Variants in ADAT2 observed in about 807,000 individuals in gnomAD.
ADAT2 encodes tRNA-specific adenosine-34 deaminase catalytic subunit ADAT2.
ADAT2 carries 26 observed loss-of-function variants against 25.9 expected under a neutral mutation model. That is an observed-to-expected ratio of 1.00 (90% CI 0.74 to 1.39). The LOEUF (loss-of-function observed/expected upper bound fraction) is 1.39, where lower values mean the gene tolerates loss of function less well. Among genes scored for constraint, ADAT2 ranks in the 40% most tolerant of loss-of-function variants. The pLI is 0.00. For synonymous variants in ADAT2, 76 were observed against 86.8 expected (o/e 0.88, Z 0.69); for missense variants, 220 against 244.8 (o/e 0.90, Z 0.68).
intron 4 of ADAT2, among the ~76,000 whole-genome samples, chr6:143,430,786 C>A (rs185052394): frequency 2.0e-5 from 3 of 151,992 alleles, no homozygotes. Context: ...AGGATGGTCT[C>A]GATCTCCTGA....
intron 2 of ADAT2, among the ~76,000 whole-genome samples, chr6:143,435,240 A>G (rs1048024873): frequency 6.6e-6 from 1 of 151,916 alleles, no homozygotes; most frequent in African/African-American, 2.4e-5. Context: ...AAATCTCCCT[A>G]CAGCTCTCAA....
chr6:143,428,336 A>T lies in ADAT2; in HGVS notation c.*127T>A. On this transcript the variant is annotated 3_prime_UTR_variant, in exon 6 of 6. Coordinates refer to ENST00000237283, the MANE Select transcript of ADAT2 (RefSeq NM_182503.3). The surrounding 1 kb of genome is among the most constrained non-coding windows in gnomAD (Gnocchi z 5.0). ...TGTTCCCTTAACAGAGCAAATGATG[A>T]GAGACACCATTTTCCTGCAGATTAA... 1 of 1,034,220 alleles carries T rather than the reference A, an allele frequency of 9.7e-7. No individual in the cohort carries two copies. Among genetic ancestry groups the T allele is most frequent in the Non-Finnish European group, 1.4e-6 (1 of 709,612 alleles). 64.1% of individuals were successfully genotyped at this position (1,034,220 alleles called of 1,614,324 possible).
intron 1 of ADAT2, among the ~76,000 whole-genome samples, chr6:143,443,207 G>A (rs182128017): frequency 9.3e-4 from 142 of 152,144 alleles, no homozygotes; most frequent in South Asian, 1.7e-3. Context: ...GCTGGGACTA[G>A]GGCATAGACA....
At chr6:143,431,677 T>G (rs9321910) in intron 4 of ADAT2, among the ~76,000 whole-genome samples, 42,894 of 152,098 alleles carry the variant, frequency 0.28, 6,304 homozygotes, top group Admixed American at 0.32. Context: ...TCAGCCAAAT[T>G]TAGTCCTTCA....
Position 143,437,358 on chromosome 6 carries a change from T to C in ADAT2, c.201+1232A>G, listed in dbSNP as rs1299110756. 6.6e-6 allele frequency among the ~76,000 whole-genome samples: 1 copy of C among 152,206 alleles called. No individual in the cohort carries two copies. Among genetic ancestry groups the C allele is most frequent in the African/African-American group, 2.4e-5 (1 of 41,468 alleles). ...ACAAAGAAATTGCTTTTTTCTTCTG[T>C]TAAAGTTAAGTTAGATCATCTTCAT... On this transcript the variant is annotated intron_variant, in intron 2 of 5. Coordinates refer to ENST00000237283, the MANE Select transcript of ADAT2 (RefSeq NM_182503.3). This position sits in a 1 kb window ranked among gnomAD's most constrained non-coding sequence, Gnocchi z 4.1.
At chr6:143,443,768 T>C (rs1026312978) in intron 1 of ADAT2, among the ~76,000 whole-genome samples, 2 of 150,346 alleles carry the variant, frequency 1.3e-5, no homozygotes, top group African/African-American at 4.9e-5. Flanking sequence ...GAGGCGGAGG[T>C]TGCAGTGAGC....
chr6:143,447,520 T>C (rs9484752), intron 1 of ADAT2, among the ~76,000 whole-genome samples: 36,252 of 152,122 alleles, frequency 0.24, 4,808 homozygotes, highest in Middle Eastern at 0.3. Flanking sequence ...CAGAGAGATA[T>C]GGAAGGATGC....
intron 1 of ADAT2, among the ~76,000 whole-genome samples, chr6:143,448,968 T>C (rs1282338365): frequency 6.6e-6 from 1 of 152,258 alleles, no homozygotes; most frequent in Non-Finnish European, 1.5e-5. Flanking sequence ...AGATTTTATA[T>C]AAATTATATG....
rs369961060 is a variant in ADAT2 at position 143,425,500 on chromosome 6, C to CAAAAAAA, written c.*2956_*2962dup. 1 of 118,768 alleles carries CAAAAAAA rather than the reference C, an allele frequency of 8.4e-6. No individual in the cohort carries two copies. 7.4% of individuals were successfully genotyped at this position (118,768 alleles called of 1,614,324 possible). On this transcript the variant is annotated 3_prime_UTR_variant, in exon 6 of 6. Coordinates refer to ENST00000237283, the MANE Select transcript of ADAT2 (RefSeq NM_182503.3). ...CTGGACGACAGAGTGAGACCTATCT[C>CAAAAAAA]AAAAAAAAAAAAAAAAAAGAAAAAG...
chr6:143,430,231 C>T lies in ADAT2; in HGVS notation c.460-1547G>A, dbSNP rs568755028. Among the ~76,000 whole-genome samples the T allele has an allele frequency of 3.9e-5, 6 of 152,368 alleles. No homozygotes were observed. The South Asian group carries it at 1.2e-3, about 32-fold the overall frequency. ...GGAGCTCCCCAGAGGTCCCCCTCCA[C>T]TCCACTCGCACACTCAGAGCCCTCT... On this transcript the variant is annotated intron_variant, in intron 4 of 5. Transcript: ENST00000237283.
At chr6:143,447,908 A>C (rs991235043) in intron 1 of ADAT2, among the ~76,000 whole-genome samples, 1 of 152,234 alleles carries the variant, frequency 6.6e-6, no homozygotes, top group South Asian at 2.1e-4. Context: ...ATATACCCAA[A>C]GGATTATAAA....
rs1038173640 is a variant in ADAT2 at position 143,427,248 on chromosome 6, A to C, written c.*1215T>G. On this transcript the variant is annotated 3_prime_UTR_variant, in exon 6 of 6. Coordinates refer to ENST00000237283, the MANE Select transcript of ADAT2 (RefSeq NM_182503.3). ...ATTCCAGCCTGTAATGTAATTCAAA[A>C]CAAACAAGTCAGAGACATCGCTCAA... 1 of 152,690 alleles carries C rather than the reference A, an allele frequency of 6.5e-6. No individual in the cohort carries two copies. Among genetic ancestry groups the C allele is most frequent in the Non-Finnish European group, 1.5e-5 (1 of 68,056 alleles). The allele number at this position is 152,690 out of a possible 1,614,324, so 9.5% of individuals were successfully genotyped here. A position where few individuals can be genotyped will look rare whatever the true frequency, so the allele number is the denominator to read the frequency against.
At chr6:143,431,713 C>T (rs1309044309) in intron 4 of ADAT2, among the ~76,000 whole-genome samples, 3 of 152,176 alleles carry the variant, frequency 2.0e-5, no homozygotes, top group Non-Finnish European at 4.4e-5. Flanking sequence ...TTCTAGGAAC[C>T]CCTGAGGTTT....
At position 143,432,719 on chromosome 6, in the gene ADAT2, T is replaced by C; in HGVS notation, c.353-108A>G. 1 of 994,068 alleles carries C rather than the reference T, an allele frequency of 1.0e-6. No homozygotes were observed. Among genetic ancestry groups the C allele is most frequent in the Non-Finnish European group, 1.6e-6 (1 of 637,968 alleles). 61.6% of individuals were successfully genotyped at this position (994,068 alleles called of 1,614,324 possible). A position where few individuals can be genotyped will look rare whatever the true frequency, so the allele number is the denominator to read the frequency against. On this transcript the variant is annotated intron_variant, in intron 3 of 5. Transcript: ENST00000237283. The surrounding 1 kb of genome is among the most constrained non-coding windows in gnomAD (Gnocchi z 4.4). ...TCCTGGAGAGGAACGCTCATGCTAC[T>C]CTTCAAACCAGTGAAGCTTAGGATT...
In ADAT2 at chr6:143,426,687, C is replaced by T. The variant is rs1778943666; in HGVS notation, c.*1776G>A. ...GTCTCTGGGCTAGAATGCTCATATACTATTTTCGGCTTTGGCTTTTTGTCC... is the reference window on the plus strand; with the variant it reads ...GTCTCTGGGCTAGAATGCTCATATATTATTTTCGGCTTTGGCTTTTTGTCC... On this transcript the variant is annotated 3_prime_UTR_variant, in exon 6 of 6. Coordinates refer to ENST00000237283, the MANE Select transcript of ADAT2 (RefSeq NM_182503.3). The surrounding 1 kb of genome is among the most constrained non-coding windows in gnomAD (Gnocchi z 4.1). 3.3e-5 allele frequency: 5 copies of T among 152,254 alleles called. No individual in the cohort carries two copies. The South Asian group carries it at 1.0e-3, about 32-fold the overall frequency. 9.4% of individuals were successfully genotyped at this position (152,254 alleles called of 1,614,324 possible).
rs1445612735 is a variant in ADAT2 at position 143,439,361 on chromosome 6, A to G, written c.97-667T>C. Among the ~76,000 whole-genome samples the G allele has an allele frequency of 2.1e-3, 321 of 150,916 alleles. 2 individuals carry two copies. The highest frequency in any genetic ancestry group is 7.2e-3 in the African/African-American group (294 of 40,924). ...TATGTGTCTACAAAAAAAAAAAAAA[A>G]AAGAAGAAGAAAGAAAGTTTGAAAA... On this transcript the variant is annotated intron_variant, in intron 1 of 5. Coordinates refer to ENST00000237283, the MANE Select transcript of ADAT2 (RefSeq NM_182503.3).
chr6:143,435,915 G>T (rs1292946283), intron 2 of ADAT2, among the ~76,000 whole-genome samples: 1 of 152,092 alleles, frequency 6.6e-6, no homozygotes, highest in African/African-American at 2.4e-5. Context: ...AACTGAAAAG[G>T]TAACGGCTAA....
At chr6:143,447,834 G>A (rs1263646382) in intron 1 of ADAT2, among the ~76,000 whole-genome samples, 1 of 152,178 alleles carries the variant, frequency 6.6e-6, no homozygotes, top group African/African-American at 2.4e-5. Flanking sequence ...GGAAGACAGT[G>A]TGGCGATTCC....
At position 143,450,576 on chromosome 6, in the gene ADAT2, T is replaced by A. The variant is rs772726760; in HGVS notation, c.83A>T (p.Glu28Val). The change falls in exon 1 of 6, where the codon GAG becomes GTG. Residue 28 changes from glutamate (E) to valine (V), a missense_variant. By Grantham distance (121) the Glu-to-Val change is moderately radical (BLOSUM62 -2). Coordinates refer to ENST00000237283, the MANE Select transcript of ADAT2 (RefSeq NM_182503.3). ...SAEETEKWME[E>V]AMHMAKEALE... Reference sequence around the variant, plus strand: ...CGGGCTCCTCACCATGTGCATCGCCTCCTCCATCCACTTTTCGGTCTCCTC... The same window carrying A: ...CGGGCTCCTCACCATGTGCATCGCCACCTCCATCCACTTTTCGGTCTCCTC... 6.2e-7 allele frequency: 1 copy of A among 1,614,006 alleles called. No homozygotes were observed. The highest frequency in any genetic ancestry group is 1.7e-5 in the Admixed American group (1 of 60,024).
Sources: gnomAD v4.1 joint callset for allele counts (sites outside exome capture counted in the v4.1 genomes callset) on GRCh38, gnomAD v4.1.1 for gene constraint, Gnocchi (gnomAD v3.1) non-coding constraint, MANE v1.5 for transcripts, NCBI Gene and HGNC (gene_info 2026-07-23, HGNC 2026-07-21) for gene names.